Variants in KCNMB4 observed in about 807,000 individuals in gnomAD.
The protein encoded by KCNMB4 is potassium calcium-activated channel subfamily M regulatory beta subunit 4.
Under a neutral mutation model 20.7 loss-of-function variants are expected in KCNMB4, and 3 were observed. The ratio of observed to expected loss-of-function variants is 0.14; its 90% confidence interval spans 0.07 to 0.37. KCNMB4 has a LOEUF of 0.37. Ranked by LOEUF, KCNMB4 falls within the 10% of genes least tolerant of loss-of-function variation. The pLI is 1.00. For missense variants in KCNMB4, 168 were observed against 265.9 expected, an observed-to-expected ratio of 0.63 and a Z score of 2.56; for synonymous variants, 110 against 113.4, an observed-to-expected ratio of 0.97 and a Z score of 0.19.
chr12:70,404,913 G>A (rs1440426024), intron 2 of KCNMB4, among the ~76,000 whole-genome samples: 2 of 152,200 alleles, frequency 1.3e-5, no homozygotes, highest in Non-Finnish European at 2.9e-5. Flanking sequence ...AAGACAAAGA[G>A]TGCATATTGT....
At chr12:70,418,547 A>G (rs1868969213) in intron 2 of KCNMB4, among the ~76,000 whole-genome samples, 1 of 152,188 alleles carries the variant, frequency 6.6e-6, no homozygotes. Flanking sequence ...GCCCTTGGAT[A>G]TAATCTTATT....
chr12:70,421,092 G>C (rs1356765443), intron 2 of KCNMB4, among the ~76,000 whole-genome samples: 2 of 151,550 alleles, frequency 1.3e-5, no homozygotes, highest in African/African-American at 4.8e-5. Context: ...AAAAGGTTCT[G>C]GTTCTGTATC....
At chr12:70,393,655 A>T (rs1439397295) in intron 1 of KCNMB4, among the ~76,000 whole-genome samples, 1 of 152,254 alleles carries the variant, frequency 6.6e-6, no homozygotes, top group Non-Finnish European at 1.5e-5. Context: ...TCCAGATATC[A>T]TATCAACATA....
chr12:70,378,259 AAGCTCTACTTCT>A, intron 1 of KCNMB4, among the ~76,000 whole-genome samples: 1 of 152,156 alleles, frequency 6.6e-6, no homozygotes. Flanking sequence ...CCCGGCCTTC[AAGCTCTACTTCT>A]AATTCTAGTT....
At chr12:70,421,470 GAAAAAA>G (rs61303899) in intron 2 of KCNMB4, among the ~76,000 whole-genome samples, 1 of 75,668 alleles carries the variant, frequency 1.3e-5, no homozygotes, top group Non-Finnish European at 2.4e-5. Flanking sequence ...TCTCAAAAAA[GAAAAAA>G]AAAAAAAAAA....
chr12:70,422,461 C>T (rs2136141887), intron 2 of KCNMB4, among the ~76,000 whole-genome samples: 1 of 152,274 alleles, frequency 6.6e-6, no homozygotes, highest in South Asian at 2.1e-4. Flanking sequence ...TCCTGAGCAG[C>T]TCAAGGAGGT....
chr12:70,390,551 A>G (rs1325263362), intron 1 of KCNMB4, among the ~76,000 whole-genome samples: 1 of 152,138 alleles, frequency 6.6e-6, no homozygotes, highest in Non-Finnish European at 1.5e-5. Context: ...GATCTGTCAT[A>G]GACTCTTGTT....
intron 2 of KCNMB4, among the ~76,000 whole-genome samples, chr12:70,422,262 A>C (rs1869087272): frequency 6.6e-6 from 1 of 152,216 alleles, no homozygotes. Flanking sequence ...TCTATGAAAT[A>C]AATAACTTGG....
chr12:70,411,180 C>T (rs2136135638), intron 2 of KCNMB4, among the ~76,000 whole-genome samples: 1 of 152,226 alleles, frequency 6.6e-6, no homozygotes, highest in South Asian at 2.1e-4. Context: ...GTTCTGAAGA[C>T]TTGTACAAAA....
At chr12:70,403,438 T>A (rs1014636140) in intron 2 of KCNMB4, among the ~76,000 whole-genome samples, 1 of 152,156 alleles carries the variant, frequency 6.6e-6, no homozygotes, top group Admixed American at 6.5e-5. Context: ...GTTCAAGTGA[T>A]TCTCCTGCCT....
At chr12:70,396,793 A>T (rs1868355895) in intron 1 of KCNMB4, among the ~76,000 whole-genome samples, 1 of 152,346 alleles carries the variant, frequency 6.6e-6, no homozygotes, top group South Asian at 2.1e-4. Context: ...CCATGGTGGA[A>T]CTATTATGAA....
rs942875886 is a variant in KCNMB4 at position 70,428,965 on chromosome 12, A to G, written c.465-1520A>G. 1.2e-4 allele frequency among the ~76,000 whole-genome samples: 19 copies of G among 152,360 alleles called. No individual in the cohort carries two copies. In the South Asian group the frequency reaches 3.7e-3, roughly 30 times the overall value. On this transcript the variant is annotated intron_variant, in intron 2 of 2. Coordinates refer to ENST00000258111, the MANE Select transcript of KCNMB4 (RefSeq NM_014505.6). ...ATACTATGAAATAAAACATCAATAG[A>G]AATCTTGTATTATGTGCAAAATTTG... is the stretch of plus-strand genomic sequence containing the variant.
chr12:70,414,449 A>G (rs1233424137), intron 2 of KCNMB4, among the ~76,000 whole-genome samples: 1 of 152,164 alleles, frequency 6.6e-6, no homozygotes, highest in Non-Finnish European at 1.5e-5. Flanking sequence ...GAGCAGTGTC[A>G]GGATCTGCAC....
At chr12:70,408,813 T>C (rs1052127343) in intron 2 of KCNMB4, among the ~76,000 whole-genome samples, 1 of 152,212 alleles carries the variant, frequency 6.6e-6, no homozygotes, top group Non-Finnish European at 1.5e-5. Context: ...ATTCTCCCTA[T>C]ATCATGTTTT....
At chr12:70,428,653 C>A (rs1033234844) in intron 2 of KCNMB4, among the ~76,000 whole-genome samples, 2 of 152,180 alleles carry the variant, frequency 1.3e-5, no homozygotes, top group Non-Finnish European at 2.9e-5. Context: ...CATGAAGTTT[C>A]TTGAAAATTT....
At chr12:70,398,571 C>T (rs1026827150) in intron 1 of KCNMB4, among the ~76,000 whole-genome samples, 1 of 152,080 alleles carries the variant, frequency 6.6e-6, no homozygotes, top group African/African-American at 2.4e-5. Context: ...ATTTGCATAA[C>T]ATGTTGTGAA....
chr12:70,384,358 CACAA>C (rs1883848263), intron 1 of KCNMB4, among the ~76,000 whole-genome samples: 1 of 152,118 alleles, frequency 6.6e-6, no homozygotes, highest in Non-Finnish European at 1.5e-5. Flanking sequence ...CTCTGTGAAA[CACAA>C]GAGACTAAAT....
chr12:70,393,242 G>T (rs1171484703), intron 1 of KCNMB4, among the ~76,000 whole-genome samples: 2 of 151,814 alleles, frequency 1.3e-5, no homozygotes, highest in African/African-American at 4.8e-5. Flanking sequence ...TCACTCTGTC[G>T]CCCAGACTGG....
chr12:70,377,628 CA>C, intron 1 of KCNMB4, among the ~76,000 whole-genome samples: 1 of 152,274 alleles, frequency 6.6e-6, no homozygotes, highest in East Asian at 1.9e-4. Context: ...GACTCTTCCA[CA>C]AAATGTTTCT....
Sources: allele counts gnomAD v4.1 joint callset (sites outside exome capture counted in the v4.1 genomes callset), GRCh38; gene constraint gnomAD v4.1.1; transcripts MANE v1.5; gene names NCBI Gene and HGNC (gene_info 2026-07-23, HGNC 2026-07-21).